Variants in CD5 observed in about 807,000 individuals in gnomAD.
CD5 encodes T-cell surface glycoprotein CD5.
In CD5, 36 loss-of-function variants were observed where a neutral mutation model predicts 60.3. The observed-to-expected ratio is 0.60, with a 90% CI of 0.46 to 0.79. The LOEUF (loss-of-function observed/expected upper bound fraction) is 0.79. Ranked by LOEUF, CD5 falls within the 30% of genes least tolerant of loss-of-function variation. The pLI is 0.00. For missense variants in CD5, 540 were observed against 630.6 expected (o/e 0.86, Z 1.54); for synonymous variants, 230 against 257.6 (o/e 0.89, Z 1.03).
chr11:61,113,482 G>A (rs779103532), intron 1 of CD5, among the ~76,000 whole-genome samples: 17 of 152,298 alleles, frequency 1.1e-4, no homozygotes, highest in South Asian at 4.1e-4. Context: ...TGGGCCTGTC[G>A]CCTTGGCTCC....
At position 61,112,503 on chromosome 11, in the gene CD5, G is replaced by A. The variant is rs142919385; in HGVS notation, c.56-2553G>A. On this transcript the variant is annotated intron_variant, in intron 1 of 10. Transcript: ENST00000347785. ...TACTAAAAGTACAAAAATTAGTCGG[G>A]CGTGGTGGTGCATGTCTGTAGTCCC... 4.4e-3 allele frequency among the ~76,000 whole-genome samples: 676 copies of A among 152,254 alleles called. 4 individuals are homozygous for A. Among genetic ancestry groups the A allele is most frequent in the African/African-American group, 0.016 (659 of 41,524 alleles).
rs1050917086 is a variant in CD5, at chr11:61,126,937, C to A, written c.*652C>A. 6.6e-6 allele frequency: 1 copy of A among 152,294 alleles called. No individual in the cohort carries two copies. Among genetic ancestry groups the A allele is most frequent in the Non-Finnish European group, 1.5e-5 (1 of 68,104 alleles). 9.4% of individuals were successfully genotyped at this position (152,294 alleles called of 1,614,324 possible). ...ACCCCACTCCCTCTGTCTTATGACT[C>A]CCCTCCCCAACCCCCTCATCTAAAG... On this transcript the variant is annotated 3_prime_UTR_variant, in exon 11 of 11. Transcript: ENST00000347785.
At chr11:61,120,302 T>C (rs1377688388) in intron 5 of CD5, among the ~76,000 whole-genome samples, 1 of 152,178 alleles carries the variant, frequency 6.6e-6, no homozygotes, top group East Asian at 1.9e-4. Context: ...TGGGTTCCCA[T>C]GGCCGGAAGT....
chr11:61,122,819 C>T lies in CD5; in HGVS notation c.1100-88C>T, dbSNP rs542206798. ...GAATTTCTCAGATGAGCAAGGATGA[C>T]GGCGGAAGCCAGGCAGCCAGCAGCT... On this transcript the variant is annotated intron_variant, in intron 6 of 10. Transcript: ENST00000347785. The T allele has an allele frequency of 1.7e-4, 232 of 1,392,696 alleles. 1 individual carries two copies. In the African/African-American group the frequency reaches 2.6e-3, roughly 15 times the overall value. The allele number at this position is 1,392,696 out of a possible 1,614,324, so 86.3% of individuals were successfully genotyped here.
upstream of CD5, among the ~76,000 whole-genome samples, chr11:61,100,567 T>A (rs1257795032): frequency 6.5e-5 from 6 of 92,466 alleles, no homozygotes; most frequent in African/African-American, 2.6e-4. Context: ...CACACACACA[T>A]CAACATGGAG....
At chr11:61,122,742 G>C (rs1009153666) in intron 6 of CD5, among the ~76,000 whole-genome samples, 165 bp from the exon 7 acceptor site, 1 of 152,234 alleles carries the variant, frequency 6.6e-6, no homozygotes, top group Non-Finnish European at 1.5e-5. Context: ...GGGAATCCTA[G>C]AGATAGATGG....
In CD5 at chr11:61,118,858, T is replaced by A; in HGVS notation, c.401-57T>A. On this transcript the variant is annotated intron_variant, in intron 3 of 10. Transcript: ENST00000347785. This position sits in a 1 kb window ranked among gnomAD's most constrained non-coding sequence, Gnocchi z 4.7. Reference sequence around the variant, plus strand: ...TCCTGGTCCTCTCAAGGCTGCTGGCTGCCCCCGGCCCTCCCCACACCACCC... The same window carrying A: ...TCCTGGTCCTCTCAAGGCTGCTGGCAGCCCCCGGCCCTCCCCACACCACCC... The A allele has an allele frequency of 7.7e-7, 1 of 1,295,368 alleles. No individual in the cohort carries two copies. The highest frequency in any genetic ancestry group is 1.2e-5 in the South Asian group (1 of 82,898). 80.2% of individuals were successfully genotyped at this position (1,295,368 alleles called of 1,614,324 possible).
At chr11:61,121,520 C>A in intron 5 of CD5, 91 bp from the exon 6 acceptor site, 1 of 1,140,206 alleles carries the variant, frequency 8.8e-7, no homozygotes, top group Non-Finnish European at 1.2e-6. Flanking sequence ...TAGCCAGGGC[C>A]CCGATTTGCC....
At chr11:61,123,812 T>TTCCC in intron 7 of CD5, 72 bp from the exon 8 acceptor site, 8 of 339,956 alleles carry the variant, frequency 2.4e-5, no homozygotes, top group Admixed American at 4.7e-5. Flanking sequence ...CCCAGCCCCA[T>TTCCC]CCCCACCCCT....
At chr11:61,101,289 C>T (rs1407548091), upstream of CD5, among the ~76,000 whole-genome samples, 4 of 108,318 alleles carry the variant, frequency 3.7e-5, no homozygotes, top group Non-Finnish European at 5.5e-5. Flanking sequence ...ACATGGAGAT[C>T]ACACACACAC....
At chr11:61,124,784 G>A (rs191271060) in intron 8 of CD5, among the ~76,000 whole-genome samples, 7 of 151,900 alleles carry the variant, frequency 4.6e-5, no homozygotes, top group African/African-American at 9.7e-5. Context: ...ACCGACTCAC[G>A]GAAGGCCCCA....
chr11:61,096,855 C>T, the CD5 span, among the ~76,000 whole-genome samples: 1 of 152,204 alleles, frequency 6.6e-6, no homozygotes, highest in Non-Finnish European at 1.5e-5. Flanking sequence ...AGAAGTTAAG[C>T]CTGGGGCCCA....
At chr11:61,114,911 G>A (rs1860916241) in intron 1 of CD5, 145 bp from the exon 2 acceptor site, 1 of 601,314 alleles carries the variant, frequency 1.7e-6, no homozygotes, top group Non-Finnish European at 2.8e-6. Context: ...CCAACCTGGA[G>A]TATGAAAATT....
chr11:61,122,478 G>C (rs1861081479), intron 6 of CD5, among the ~76,000 whole-genome samples: 1 of 151,722 alleles, frequency 6.6e-6, no homozygotes, highest in Non-Finnish European at 1.5e-5. Flanking sequence ...TGGACTGATG[G>C]ATGGGTGAGT....
At chr11:61,114,454 G>GCGTACATA (rs1860906545) in intron 1 of CD5, among the ~76,000 whole-genome samples, 1 of 151,154 alleles carries the variant, frequency 6.6e-6, no homozygotes, top group East Asian at 1.9e-4. Context: ...ACACATACAT[G>GCGTACATA]CATACATACA....
At chr11:61,111,712 C>A (rs1860858058) in intron 1 of CD5, among the ~76,000 whole-genome samples, 1 of 152,250 alleles carries the variant, frequency 6.6e-6, no homozygotes, top group South Asian at 2.1e-4. Flanking sequence ...AAGTGGTGAG[C>A]CCCATGGCTT....
chr11:61,106,124 CA>C lies in CD5; in HGVS notation c.55+3529del, dbSNP rs36003583. 6.7e-3 allele frequency among the ~76,000 whole-genome samples: 550 copies of C among 81,854 alleles called. 6 individuals are homozygous for C. Among genetic ancestry groups the C allele is most frequent in the African/African-American group, 0.022 (476 of 21,850 alleles). 53.7% of individuals were successfully genotyped at this position (81,854 alleles called of 152,430 possible). A position where few individuals can be genotyped will look rare whatever the true frequency, so the allele number is the denominator to read the frequency against. ...TGGGCAACAGAGCAAGACTCCATCTCAAAAAAAAAAAAAAAAAAAAGGCACC... is the reference window on the plus strand; with the variant it reads ...TGGGCAACAGAGCAAGACTCCATCTCAAAAAAAAAAAAAAAAAAAGGCACC... On this transcript the variant is annotated intron_variant, in intron 1 of 10. Transcript: ENST00000347785.
chr11:61,121,947 T>A, intron 6 of CD5, 43 bp downstream of exon 6: 1 of 1,480,328 alleles, frequency 6.8e-7, no homozygotes, highest in Non-Finnish European at 9.1e-7. Flanking sequence ...CAGTTACTAC[T>A]TTACCTCTAG....
intron 1 of CD5, among the ~76,000 whole-genome samples, chr11:61,113,128 A>C (rs1002708259): frequency 2.0e-5 from 3 of 152,222 alleles, no homozygotes; most frequent in Non-Finnish European, 4.4e-5. Flanking sequence ...ATTTGAACAC[A>C]GCCTTTCACT....
Sources: allele counts gnomAD v4.1 joint callset (sites outside exome capture counted in the v4.1 genomes callset), GRCh38; gene constraint gnomAD v4.1.1; non-coding constraint Gnocchi (gnomAD v3.1); transcripts MANE v1.5; gene names NCBI Gene and HGNC (gene_info 2026-07-23, HGNC 2026-07-21).